Variants in AR observed in about 807,000 individuals in gnomAD.
The protein encoded by AR is androgen receptor, also known as dihydrotestosterone receptor.
In AR, 8 loss-of-function variants were observed where a neutral mutation model predicts 53.9. That is an observed-to-expected ratio of 0.15 (90% CI 0.09 to 0.27). The LOEUF is 0.27. AR is among the 10% of genes least tolerant of loss of function. The probability of loss-of-function intolerance (pLI) is 1.00; values close to 1 mark genes in which losing one functional copy is unlikely to be tolerated. For synonymous variants in AR, 359 were observed against 316.4 expected (o/e 1.13, Z -1.43); for missense variants, 639 against 742.5 (o/e 0.86, Z 1.62).
chrX:67,552,287 G>T (rs1333132205), intron 1 of AR, among the ~76,000 whole-genome samples: 2 of 111,926 alleles, frequency 1.8e-5, no homozygotes, highest in East Asian at 2.8e-4. Context: ...GTGGTCTTTT[G>T]TGACTAGCTT....
At chrX:67,632,565 G>A (rs1046371971) in intron 1 of AR, among the ~76,000 whole-genome samples, 6 of 112,053 alleles carry the variant, frequency 5.4e-5, no homozygotes, top group Non-Finnish European at 7.5e-5. Flanking sequence ...AGATGAGCCC[G>A]CTACCTCAGA....
At chrX:67,547,924 GCTT>G (rs1006027313) in intron 1 of AR, among the ~76,000 whole-genome samples, 2 of 112,038 alleles carry the variant, frequency 1.8e-5, no homozygotes, top group African/African-American at 6.5e-5. Flanking sequence ...CAGTTGTTGA[GCTT>G]CTTGGAGACC....
At chrX:67,555,791 G>A (rs760591196) in intron 1 of AR, among the ~76,000 whole-genome samples, 16 of 112,367 alleles carry the variant, frequency 1.4e-4, no homozygotes, top group Non-Finnish European at 2.4e-4. Flanking sequence ...CCGCTAGGGG[G>A]ACTGCAAGTG....
In AR at chrX:67,676,352, G is replaced by T. The variant is rs138543270; in HGVS notation, c.1769-9658G>T. Among the ~76,000 whole-genome samples the T allele has an allele frequency of 3.3e-4, 37 of 112,129 alleles. 2 individuals are homozygous for T. In the East Asian group the frequency reaches 8.1e-3, roughly 25 times the overall value. ...GGAGTACCTACCAGAGCTTCTCAAA[G>T]TGAATTTTGTTTATCACCACAAAAA... is the stretch of plus-strand genomic sequence containing the variant. On this transcript the variant is annotated intron_variant, in intron 2 of 7. Transcript: ENST00000374690.
chrX:67,691,729 G>A (rs189855620), intron 3 of AR, among the ~76,000 whole-genome samples: 13 of 111,930 alleles, frequency 1.2e-4, no homozygotes, highest in African/African-American at 3.6e-4. Flanking sequence ...ATGCATTAAT[G>A]ATCAAAAGCA....
chrX:67,571,123 C>CA, intron 1 of AR, among the ~76,000 whole-genome samples: 1 of 111,309 alleles, frequency 9.0e-6, no homozygotes, highest in Non-Finnish European at 1.9e-5. Flanking sequence ...AGGTTACCAC[C>CA]TCTATTTAAA....
At chrX:67,658,765 T>A (rs754725656) in intron 2 of AR, among the ~76,000 whole-genome samples, 2 of 112,064 alleles carry the variant, frequency 1.8e-5, no homozygotes, top group East Asian at 5.6e-4. Flanking sequence ...ACGAGGGGTT[T>A]GGAAATCAGA....
chrX:67,629,388 T>A (rs1180014545), intron 1 of AR, among the ~76,000 whole-genome samples: 1 of 109,523 alleles, frequency 9.1e-6, no homozygotes, highest in African/African-American at 3.3e-5. Flanking sequence ...GTCAAGGAAT[T>A]TATCCATTTC....
intron 3 of AR, among the ~76,000 whole-genome samples, chrX:67,704,130 G>A (rs952877127): frequency 1.8e-5 from 2 of 111,921 alleles, no homozygotes; most frequent in African/African-American, 6.5e-5. Context: ...CTTTAGAGCA[G>A]CATGACATAT....
chrX:67,567,147 C>T (rs1391057124), intron 1 of AR, among the ~76,000 whole-genome samples: 4 of 111,400 alleles, frequency 3.6e-5, no homozygotes, highest in Non-Finnish European at 5.7e-5. Context: ...CTCCCTTCAA[C>T]GTAACTCTTC....
At chrX:67,640,348 A>C (rs1278751121) in intron 1 of AR, among the ~76,000 whole-genome samples, 1 of 111,148 alleles carries the variant, frequency 9.0e-6, no homozygotes. Context: ...TGAGTTAGGG[A>C]GGATTCCTTC....
intron 6 of AR, chrX:67,722,232 G>A (rs2076138938): frequency 2.9e-6 from 1 of 344,020 alleles, no homozygotes; most frequent in Admixed American, 4.5e-5. Flanking sequence ...AGGCCTTTTT[G>A]ACTGGTTACA....
chrX:67,616,831 A>G (rs1924141636), intron 1 of AR, among the ~76,000 whole-genome samples: 1 of 111,163 alleles, frequency 9.0e-6, no homozygotes, highest in African/African-American at 3.3e-5. Flanking sequence ...CTCTTAAGGA[A>G]CTGATAGACA....
At chrX:67,593,436 A>C (rs1220617091) in intron 1 of AR, among the ~76,000 whole-genome samples, 8 of 105,738 alleles carry the variant, frequency 7.6e-5, no homozygotes, top group Admixed American at 6.2e-4. Context: ...ATCTTGGCTC[A>C]CTGCAACCTC....
intron 3 of AR, among the ~76,000 whole-genome samples, chrX:67,698,615 G>T (rs1203752295): frequency 4.4e-5 from 5 of 112,758 alleles, no homozygotes; most frequent in African/African-American, 1.6e-4. Context: ...GCTTCACAAA[G>T]AATTTGTAGC....
intron 1 of AR, among the ~76,000 whole-genome samples, chrX:67,576,429 G>A (rs949505870): frequency 1.8e-5 from 2 of 110,466 alleles, no homozygotes; most frequent in African/African-American, 6.6e-5. Context: ...CATAATGAAT[G>A]TGTACATGGA....
At chrX:67,604,873 C>T (rs1326599658) in intron 1 of AR, among the ~76,000 whole-genome samples, 3 of 111,642 alleles carry the variant, frequency 2.7e-5, no homozygotes, top group African/African-American at 9.8e-5. Flanking sequence ...CCTCTGCACT[C>T]ACCCTGTTTG....
In AR at chrX:67,703,679, G is replaced by T. The variant is rs12857875; in HGVS notation, c.1886-7723G>T. ...TTTTTATTATACTTTAAGTTCTAGG[G>T]TACGTGTGCACAACTTGCAGGTTTG... On this transcript the variant is annotated intron_variant, in intron 3 of 7. Coordinates refer to ENST00000374690, the MANE Select transcript of AR (RefSeq NM_000044.6). Among the ~76,000 whole-genome samples, 280 of 111,642 alleles carry T rather than the reference G, an allele frequency of 2.5e-3. 1 individual carries two copies. The highest frequency in any genetic ancestry group is 4.3e-3 in the Non-Finnish European group (228 of 53,124).
intron 1 of AR, among the ~76,000 whole-genome samples, chrX:67,639,455 GA>G (rs1925630328): frequency 8.9e-6 from 1 of 111,929 alleles, no homozygotes; most frequent in Admixed American, 9.5e-5. Context: ...CATGAGCATG[GA>G]ATGGTTTTCC....
Sources: gnomAD v4.1 joint callset for allele counts (sites outside exome capture counted in the v4.1 genomes callset) on GRCh38, gnomAD v4.1.1 for gene constraint, MANE v1.5 for transcripts, NCBI Gene and HGNC (gene_info 2026-07-23, HGNC 2026-07-21) for gene names.